The following RPS6KA3 variants were observed in gnomAD, a reference collection of about 807,000 sequenced individuals.
RPS6KA3 encodes the protein ribosomal protein S6 kinase alpha-3.
RPS6KA3 carries 4 observed loss-of-function variants against 67.2 expected under a neutral mutation model. That is an observed-to-expected ratio of 0.06 (90% CI 0.03 to 0.14). The LOEUF is 0.14. Among genes scored for constraint, RPS6KA3 ranks in the 10% least tolerant of loss-of-function variants. The probability of loss-of-function intolerance (pLI) is 1.00; values close to 1 mark genes in which losing one functional copy is unlikely to be tolerated. For missense variants in RPS6KA3, 204 were observed against 559.0 expected, an observed-to-expected ratio of 0.36 and a Z score of 6.40; for synonymous variants, 182 against 183.7, an observed-to-expected ratio of 0.99 and a Z score of 0.07.
At chrX:20,179,940 A>C (rs760726835) in intron 10 of RPS6KA3, among the ~76,000 whole-genome samples, 9 of 109,582 alleles carry the variant, frequency 8.2e-5, no homozygotes, top group African/African-American at 1.3e-4. Flanking sequence ...AGATTAAAGA[A>C]CTTGGCTGGG....
At chrX:20,157,489 G>A (rs1375605353) in intron 20 of RPS6KA3, among the ~76,000 whole-genome samples, 3 of 91,278 alleles carry the variant, frequency 3.3e-5, no homozygotes, top group African/African-American at 1.2e-4. Flanking sequence ...GCAACAGAGC[G>A]AGACCCTGTC....
At chrX:20,213,099 A>G (rs746367565) in intron 2 of RPS6KA3, among the ~76,000 whole-genome samples, 5 of 112,165 alleles carry the variant, frequency 4.5e-5, no homozygotes, top group Admixed American at 1.9e-4. Flanking sequence ...ATATGGCCTC[A>G]ACCTACTTTT....
intron 2 of RPS6KA3, among the ~76,000 whole-genome samples, chrX:20,221,492 T>C (rs1447803977): frequency 8.9e-6 from 1 of 112,172 alleles, no homozygotes; most frequent in Non-Finnish European, 1.9e-5. Flanking sequence ...CAGTCTTTTC[T>C]ATGCACATAT....
chrX:20,194,413 C>G (rs184933270), intron 5 of RPS6KA3, 145 bp from the exon 6 acceptor site: 2 of 454,464 alleles, frequency 4.4e-6, no homozygotes, highest in Admixed American at 3.9e-5. Context: ...ACTGATTTAT[C>G]TTAGTTTCCA....
At chrX:20,226,032 A>G (rs2069112414) in intron 2 of RPS6KA3, among the ~76,000 whole-genome samples, 1 of 110,830 alleles carries the variant, frequency 9.0e-6, no homozygotes, top group Admixed American at 9.6e-5. Flanking sequence ...AAATACAAAA[A>G]TTAGCTGAGT....
intron 1 of RPS6KA3, among the ~76,000 whole-genome samples, chrX:20,246,963 C>T (rs1395422003): frequency 9.0e-6 from 1 of 111,207 alleles, no homozygotes; most frequent in Non-Finnish European, 1.9e-5. Flanking sequence ...AAATGATCCA[C>T]TCTAATTAAA....
intron 2 of RPS6KA3, among the ~76,000 whole-genome samples, chrX:20,230,030 G>A (rs2069220729): frequency 1.8e-5 from 2 of 112,605 alleles, no homozygotes; most frequent in Admixed American, 1.9e-4. Context: ...TAGCTTACAT[G>A]TAAATATATA....
chrX:20,265,864 T>G (rs2070363089), intron 1 of RPS6KA3: 1 of 110,380 alleles, frequency 9.1e-6, no homozygotes, highest in Admixed American at 9.5e-5. Flanking sequence ...CGGCGGCCGC[T>G]GATCTCCTTG....
intron 15 of RPS6KA3, 95 bp downstream of exon 15, chrX:20,172,649 AGG>A: frequency 1.3e-6 from 1 of 742,366 alleles, no homozygotes; most frequent in Non-Finnish European, 2.0e-6. Context: ...TTATAACAAA[AGG>A]CACTTTTAAC....
chrX:20,261,955 G>C (rs947305719), intron 1 of RPS6KA3, among the ~76,000 whole-genome samples: 2 of 111,721 alleles, frequency 1.8e-5, no homozygotes, highest in African/African-American at 6.5e-5. Context: ...ATGTGAATTG[G>C]GGAACGGGAT....
Position 20,216,540 on chromosome X carries a change from A to C in RPS6KA3, c.127-7136T>G, listed in dbSNP as rs111437265. ...GAACATGATAAATACTATGAAGAAA[A>C]GATATTGAGTTGAGTAAAGAGATGA... On this transcript the variant is annotated intron_variant, in intron 2 of 21. Coordinates refer to ENST00000379565, the MANE Select transcript of RPS6KA3 (RefSeq NM_004586.3). Among the ~76,000 whole-genome samples the C allele has an allele frequency of 6.0e-3, 670 of 111,073 alleles. 10 individuals are homozygous for C. Among genetic ancestry groups the C allele is most frequent in the African/African-American group, 0.021 (635 of 30,437 alleles).
Position 20,266,611 on chromosome X carries a change from C to A in RPS6KA3, c.22G>T (p.Asp8Tyr). Reference protein sequence around the residue: MPLAQLADPWQKMAVESP... With the variant: MPLAQLAYPWQKMAVESP... The stretch of plus-strand genomic sequence containing the variant: ...TCCACAGCCATCTTCTGCCACGGGT[C>A]CGCCAGCTGCGCCAGCGGCATCTTC... Residue 8 changes from aspartate to tyrosine, a missense_variant, in exon 1 of 22, where the codon GAC becomes TAC. Transcript: ENST00000379565. 3.5e-6 allele frequency: 4 copies of A among 1,149,658 alleles called. No individual in the cohort carries two copies. The highest frequency in any genetic ancestry group is 4.6e-6 in the Non-Finnish European group (4 of 867,783). The allele number at this position is 1,149,658 out of a possible 1,213,427, so 94.7% of individuals were successfully genotyped here.
At chrX:20,256,172 C>CAAAAAAAAAAAAAAAAAAAAAAAAAA (rs35947983) in intron 1 of RPS6KA3, among the ~76,000 whole-genome samples, 1 of 14,471 alleles carries the variant, frequency 6.9e-5, no homozygotes, top group Non-Finnish European at 1.2e-4. Context: ...GACACCGTCT[C>CAAAAAAAAAAAAAAAAAAAAAAAAAA]AAAAAAAAAA....
chrX:20,163,687 G>T (rs1215108396), intron 18 of RPS6KA3, among the ~76,000 whole-genome samples: 1 of 108,872 alleles, frequency 9.2e-6, no homozygotes, highest in Non-Finnish European at 1.9e-5. Context: ...TATTATTATT[G>T]AGACAGGGTC....
rs1426470238 is a variant in RPS6KA3, at chrX:20,152,279, A to G, written c.*3119T>C. On this transcript the variant is annotated 3_prime_UTR_variant, in exon 22 of 22. Coordinates refer to ENST00000379565, the MANE Select transcript of RPS6KA3 (RefSeq NM_004586.3). ...CATTAGAAATAAGACACCTCTATAA[A>G]CCAGAAAAAGCTGAAATGATTTATA... is the stretch of plus-strand genomic sequence containing the variant. 1 of 112,270 alleles carries G rather than the reference A, an allele frequency of 8.9e-6. No homozygotes were observed. Among genetic ancestry groups the G allele is most frequent in the African/African-American group, 3.2e-5 (1 of 30,803 alleles). The allele number at this position is 112,270 out of a possible 1,213,427, so 9.3% of individuals were successfully genotyped here.
intron 2 of RPS6KA3, among the ~76,000 whole-genome samples, chrX:20,210,221 C>T (rs2068678016): frequency 8.9e-6 from 1 of 111,960 alleles, no homozygotes; most frequent in South Asian, 3.7e-4. Context: ...TATGTGAGAT[C>T]AGCAGATTAG....
chrX:20,221,279 G>C (rs547499398), intron 2 of RPS6KA3, among the ~76,000 whole-genome samples: 1 of 111,496 alleles, frequency 9.0e-6, no homozygotes, highest in South Asian at 3.7e-4. Flanking sequence ...ACTAGATACT[G>C]TTCTTTTTTT....
At chrX:20,239,243 T>C (rs1358664086) in intron 1 of RPS6KA3, among the ~76,000 whole-genome samples, 1 of 111,065 alleles carries the variant, frequency 9.0e-6, no homozygotes, top group Non-Finnish European at 1.9e-5. Flanking sequence ...ACAGTCTATG[T>C]TCAGTAAATG....
At chrX:20,215,754 T>G (rs2068834640) in intron 2 of RPS6KA3, among the ~76,000 whole-genome samples, 1 of 111,923 alleles carries the variant, frequency 8.9e-6, no homozygotes, top group Non-Finnish European at 1.9e-5. Context: ...TAGCTCATAC[T>G]TGGAATCTAA....
Sources: gnomAD v4.1 joint callset for allele counts (sites outside exome capture counted in the v4.1 genomes callset) on GRCh38, gnomAD v4.1.1 for gene constraint, MANE v1.5 for transcripts, NCBI Gene and HGNC (gene_info 2026-07-23, HGNC 2026-07-21) for gene names.